SORCS3: variants seen among roughly 807,000 people sequenced by gnomAD.
SORCS3 encodes VPS10 domain-containing receptor SorCS3.
Under a neutral mutation model 146.3 loss-of-function variants are expected in SORCS3, and 57 were observed. That is an observed-to-expected ratio of 0.39 (90% CI 0.31 to 0.49). SORCS3 has a LOEUF of 0.49. Ranked by LOEUF, SORCS3 falls within the 20% of genes least tolerant of loss-of-function variation. The pLI, the probability that SORCS3 is intolerant of heterozygous loss-of-function variation, is 0.92. For synonymous variants in SORCS3, 653 were observed against 618.5 expected (o/e 1.06, Z -0.83); for missense variants, 1,341 against 1,575.5 (o/e 0.85, Z 2.52).
intron 1 of SORCS3, among the ~76,000 whole-genome samples, chr10:104,839,648 A>G (rs965981611): frequency 1.3e-5 from 2 of 152,206 alleles, no homozygotes; most frequent in African/African-American, 2.4e-5. Context: ...GTTTCTGATC[A>G]AGGAAGTGCA....
chr10:104,681,524 T>C (rs1360463079), intron 1 of SORCS3, among the ~76,000 whole-genome samples: 2 of 152,066 alleles, frequency 1.3e-5, no homozygotes, highest in African/African-American at 2.4e-5. Flanking sequence ...ACAGTTCAGG[T>C]TGATTTTGCT....
chr10:105,045,888 G>A (rs1195305100), intron 5 of SORCS3, among the ~76,000 whole-genome samples: 1 of 152,090 alleles, frequency 6.6e-6, no homozygotes, highest in Non-Finnish European at 1.5e-5. Flanking sequence ...TCATTTTGCT[G>A]GGCACAAATG....
chr10:104,868,916 A>T (rs2018488065), intron 2 of SORCS3, among the ~76,000 whole-genome samples: 1 of 152,148 alleles, frequency 6.6e-6, no homozygotes. Flanking sequence ...AATATTTTTC[A>T]TGTTTCTATT....
chr10:105,174,054 G>GT (rs1458934957), intron 13 of SORCS3, among the ~76,000 whole-genome samples: 4 of 152,148 alleles, frequency 2.6e-5, no homozygotes, highest in African/African-American at 7.2e-5. Flanking sequence ...ACACTAGAAA[G>GT]TAAGTTCCGT....
chr10:105,139,101 ATACT>A (rs2056077413), intron 7 of SORCS3, among the ~76,000 whole-genome samples: 1 of 152,232 alleles, frequency 6.6e-6, no homozygotes, highest in Non-Finnish European at 1.5e-5. Context: ...TTAGTTGAAA[ATACT>A]TACTAGGTAT....
At chr10:104,808,588 A>T (rs975114510) in intron 1 of SORCS3, among the ~76,000 whole-genome samples, 4 of 152,230 alleles carry the variant, frequency 2.6e-5, no homozygotes, top group Admixed American at 2.6e-4. Context: ...ATCAAAAAAG[A>T]GAATGAGGCA....
At chr10:104,673,909 G>C (rs78508728) in intron 1 of SORCS3, among the ~76,000 whole-genome samples, 1 of 152,116 alleles carries the variant, frequency 6.6e-6, no homozygotes, top group East Asian at 1.9e-4. Context: ...CACCCCTTTT[G>C]GTTGGTGATG....
intron 19 of SORCS3, among the ~76,000 whole-genome samples, chr10:105,219,612 C>G (rs2056686783): frequency 6.6e-6 from 1 of 152,206 alleles, no homozygotes. Flanking sequence ...TCCATGTTAT[C>G]TTTTGGCACA....
At chr10:105,174,327 T>C (rs2056382436) in intron 13 of SORCS3, among the ~76,000 whole-genome samples, 1 of 152,156 alleles carries the variant, frequency 6.6e-6, no homozygotes. Flanking sequence ...TGGCCATTAA[T>C]GAGCTACTGA....
intron 1 of SORCS3, among the ~76,000 whole-genome samples, chr10:104,768,530 A>G (rs2017208836): frequency 6.6e-6 from 1 of 152,196 alleles, no homozygotes; most frequent in African/African-American, 2.4e-5. Context: ...TAGATAAGCA[A>G]AAAGATTTTT....
rs553634090 is a variant in SORCS3, at chr10:105,005,773, C to T, written c.954+28280C>T. On this transcript the variant is annotated intron_variant, in intron 4 of 26. Coordinates refer to ENST00000369701, the MANE Select transcript of SORCS3 (RefSeq NM_014978.3). Reference sequence around the variant, plus strand: ...GCTCTCAGTTATACCACTTATTTGTCCTAATTATCAGCCCGGATCTCTCCC... The same window carrying T: ...GCTCTCAGTTATACCACTTATTTGTTCTAATTATCAGCCCGGATCTCTCCC... 5.9e-5 allele frequency among the ~76,000 whole-genome samples: 9 copies of T among 152,232 alleles called. No homozygotes were observed. In the East Asian group the frequency reaches 1.7e-3, roughly 29 times the overall value.
At chr10:104,705,225 GTTT>G (rs11361828) in intron 1 of SORCS3, among the ~76,000 whole-genome samples, 33 of 119,598 alleles carry the variant, frequency 2.8e-4, no homozygotes, top group Middle Eastern at 4.9e-3. Context: ...GCAGGCCTTC[GTTT>G]TTTTTTTTTT....
At chr10:104,860,766 G>A (rs2018392433) in intron 2 of SORCS3, among the ~76,000 whole-genome samples, 1 of 152,060 alleles carries the variant, frequency 6.6e-6, no homozygotes, top group South Asian at 2.1e-4. Context: ...AAACCTGAGG[G>A]GCAGAGAGCT....
intron 4 of SORCS3, among the ~76,000 whole-genome samples, chr10:105,025,880 A>C (rs899696110): frequency 6.7e-6 from 1 of 148,570 alleles, no homozygotes; most frequent in Admixed American, 6.7e-5. Context: ...ACACACACAC[A>C]CCTGAAGAAC....
chr10:105,108,455 C>A (rs1213618953), intron 7 of SORCS3, among the ~76,000 whole-genome samples: 1 of 152,136 alleles, frequency 6.6e-6, no homozygotes, highest in Admixed American at 6.5e-5. Context: ...GGTGGCATTT[C>A]TTAGACCACT....
At chr10:105,241,599 G>T (rs1038215192) in intron 20 of SORCS3, among the ~76,000 whole-genome samples, 4 of 152,094 alleles carry the variant, frequency 2.6e-5, no homozygotes, top group African/African-American at 9.7e-5. Context: ...AGAAGAATGA[G>T]GTCACATGGA....
At chr10:104,800,243 C>CATATATAT (rs3976795) in intron 1 of SORCS3, among the ~76,000 whole-genome samples, 3 of 150,212 alleles carry the variant, frequency 2.0e-5, no homozygotes, top group South Asian at 4.2e-4. Flanking sequence ...CATATGATTT[C>CATATATAT]ATATATATAT....
At chr10:105,255,422 TG>T (rs767406790) in intron 23 of SORCS3, among the ~76,000 whole-genome samples, 2 of 152,040 alleles carry the variant, frequency 1.3e-5, no homozygotes, top group African/African-American at 2.4e-5. Flanking sequence ...TGTATACATG[TG>T]TAACTAACCT....
At chr10:104,881,807 C>G (rs2018632699) in intron 2 of SORCS3, among the ~76,000 whole-genome samples, 1 of 152,196 alleles carries the variant, frequency 6.6e-6, no homozygotes, top group African/African-American at 2.4e-5. Flanking sequence ...AGCACCAGCT[C>G]CATCCCTAAC....
Sources: allele counts gnomAD v4.1 joint callset (sites outside exome capture counted in the v4.1 genomes callset), GRCh38; gene constraint gnomAD v4.1.1; transcripts MANE v1.5; gene names NCBI Gene and HGNC (gene_info 2026-07-23, HGNC 2026-07-21).